Variants in ATG13 observed in about 807,000 individuals in gnomAD.
The protein encoded by ATG13 is autophagy related 13.
In ATG13, 23 loss-of-function variants were observed where a neutral mutation model predicts 65.5. The observed-to-expected ratio is 0.35, with a 90% CI of 0.25 to 0.50. The LOEUF is 0.50. Among genes scored for constraint, ATG13 ranks in the 20% least tolerant of loss-of-function variants. The pLI, the probability that ATG13 is intolerant of heterozygous loss-of-function variation, is 0.98. For synonymous variants in ATG13, 252 were observed against 245.2 expected (o/e 1.03, Z -0.26); for missense variants, 566 against 677.0 (o/e 0.84, Z 1.82).
rs147640345 is a variant in ATG13 at position 46,662,419 on chromosome 11, A to G, written c.790-1578A>G. ...CCTGATACAATGGAAAGTTGAACCT[A>G]AAAGTAAATGGAAGTTTAGTAGTTT... On this transcript the variant is annotated intron_variant, in intron 11 of 18. Transcript: ENST00000683050. Among the ~76,000 whole-genome samples, 610 of 152,352 alleles carry G rather than the reference A, an allele frequency of 4.0e-3. 3 individuals are homozygous for G. The highest frequency in any genetic ancestry group is 0.014 in the African/African-American group (587 of 41,576).
At chr11:46,620,463 A>G (rs2047112942) in intron 1 of ATG13, among the ~76,000 whole-genome samples, 1 of 151,894 alleles carries the variant, frequency 6.6e-6, no homozygotes, top group Non-Finnish European at 1.5e-5. Context: ...GAGAATGTGA[A>G]TTACCACTGC....
chr11:46,664,855 A>G lies in ATG13; in HGVS notation c.895A>G (p.Ser299Gly), dbSNP rs2061960554. 2.5e-6 allele frequency: 4 copies of G among 1,613,556 alleles called. No individual in the cohort carries two copies. In the East Asian group the frequency reaches 8.9e-5, roughly 36 times the overall value. ...TTGTTTTTCTCTTGCTTAGCTCTCA[A>G]GCTCTCGCCTTTCCTATCAGCCTGC... is the stretch of plus-strand genomic sequence containing the variant. ...AGLAFSHQLSSSRLSYQPAAL... is the reference protein window; with the variant it reads ...AGLAFSHQLSGSRLSYQPAAL... The change falls in exon 13 of 19, where the codon AGC (serine) becomes GGC (glycine). Residue 299 changes from serine (S) to glycine (G), a missense_variant. Ser to Gly is a moderately conservative substitution (Grantham distance 56). Transcript: ENST00000683050.
intron 2 of ATG13, among the ~76,000 whole-genome samples, chr11:46,634,692 G>T (rs570119252): frequency 1.3e-5 from 2 of 151,414 alleles, no homozygotes; most frequent in South Asian, 4.2e-4. Context: ...ACTGCGCCCA[G>T]CCTAGTTTTT....
At chr11:46,640,795 G>C (rs147292001) in intron 2 of ATG13, among the ~76,000 whole-genome samples, 2 of 152,336 alleles carry the variant, frequency 1.3e-5, no homozygotes, top group African/African-American at 4.8e-5. Flanking sequence ...ATCTTTACCA[G>C]AATGGCTAAA....
chr11:46,667,910 C>T (rs1299028696), intron 15 of ATG13, 23 bp downstream of exon 15: 2 of 1,564,892 alleles, frequency 1.3e-6, no homozygotes, highest in African/African-American at 1.4e-5. Flanking sequence ...CCACTGCCAC[C>T]TGTGAGAATG....
chr11:46,670,670 T>A (rs779756470), intron 18 of ATG13, among the ~76,000 whole-genome samples: 63 of 151,592 alleles, frequency 4.2e-4, no homozygotes, highest in Non-Finnish European at 7.2e-4. Context: ...TAGCTGGGCG[T>A]GGTGGCATCC....
chr11:46,627,408 G>A (rs1336756984), intron 1 of ATG13, among the ~76,000 whole-genome samples: 2 of 151,988 alleles, frequency 1.3e-5, no homozygotes, highest in African/African-American at 4.8e-5. Flanking sequence ...ACAGAGAAAT[G>A]TAAAATTATA....
chr11:46,656,190 A>G, intron 7 of ATG13, 43 bp from the exon 8 acceptor site: 5 of 1,577,282 alleles, frequency 3.2e-6, no homozygotes, highest in Non-Finnish European at 4.4e-6. Flanking sequence ...GGCCCTTAGG[A>G]GTAAAGAATC....
intron 11 of ATG13, 40 bp from the exon 12 acceptor site, chr11:46,663,957 T>G: frequency 1.7e-6 from 2 of 1,172,998 alleles, no homozygotes; most frequent in Non-Finnish European, 2.3e-6. Flanking sequence ...TTTTTTTTTT[T>G]TTTTTTGTTT....
At chr11:46,626,425 T>C (rs113864636) in intron 1 of ATG13, among the ~76,000 whole-genome samples, 1,829 of 152,174 alleles carry the variant, frequency 0.012, 43 homozygotes, top group African/African-American at 0.042. Flanking sequence ...TAATTTCTTA[T>C]TTTGAGTAGA....
In ATG13 at chr11:46,667,879, A is replaced by G. The variant is rs748596749; in HGVS notation, c.1243A>G (p.Ile415Val). The G allele has an allele frequency of 8.1e-6, 13 of 1,609,636 alleles. No individual in the cohort carries two copies. Among genetic ancestry groups the G allele is most frequent in the South Asian group, 2.2e-5 (2 of 90,978 alleles). The change falls in exon 15 of 19, where the codon ATT (isoleucine) becomes GTT (valine). Residue 415 changes from isoleucine to valine, a missense_variant. Transcript: ENST00000683050. ...AGTGGGGGCTTTTGTCAACAAACCC[A>G]TTAACCAGGTGATTTTTCTGCCACT... Reference protein sequence around the residue: ...RKVGAFVNKPINQVTLTSLDI... With the variant: ...RKVGAFVNKPVNQVTLTSLDI...
chr11:46,671,786 C>A (rs1052800798), intron 18 of ATG13, among the ~76,000 whole-genome samples: 1 of 152,160 alleles, frequency 6.6e-6, no homozygotes. Flanking sequence ...TTACCACAGA[C>A]CTGCTACTGT....
At chr11:46,640,656 A>C (rs1202872780) in intron 2 of ATG13, among the ~76,000 whole-genome samples, 1 of 152,232 alleles carries the variant, frequency 6.6e-6, no homozygotes, top group Admixed American at 6.5e-5. Context: ...ATTTTGTCTC[A>C]CAAAATTAAA....
chr11:46,621,656 G>A (rs2047539360), intron 1 of ATG13, among the ~76,000 whole-genome samples: 1 of 152,026 alleles, frequency 6.6e-6, no homozygotes, highest in Admixed American at 6.6e-5. Flanking sequence ...TCTCAACATT[G>A]CCATGATAGA....
chr11:46,672,215 C>T, intron 18 of ATG13, 40 bp from the exon 19 acceptor site: 2 of 1,613,874 alleles, frequency 1.2e-6, no homozygotes. Context: ...CCTCAAGGCC[C>T]TGCCTGAATA....
chr11:46,620,510 T>C (rs2047138218), intron 1 of ATG13, among the ~76,000 whole-genome samples: 1 of 151,900 alleles, frequency 6.6e-6, no homozygotes, highest in Non-Finnish European at 1.5e-5. Context: ...GCGCGGTTGC[T>C]CACACCTGAA....
chr11:46,620,499 G>C (rs1404086071), intron 1 of ATG13, among the ~76,000 whole-genome samples: 1 of 151,938 alleles, frequency 6.6e-6, no homozygotes, highest in East Asian at 1.9e-4. Context: ...AATTGGGCTG[G>C]GCGCGGTTGC....
At chr11:46,670,835 A>AAT (rs2063554475) in intron 18 of ATG13, among the ~76,000 whole-genome samples, 1 of 152,192 alleles carries the variant, frequency 6.6e-6, no homozygotes, top group East Asian at 1.9e-4. Context: ...TAAATAAATA[A>AAT]AAATCAAGGC....
At chr11:46,649,292 A>T in intron 6 of ATG13, 109 bp downstream of exon 6, 2 of 1,277,542 alleles carry the variant, frequency 1.6e-6, no homozygotes, top group Non-Finnish European at 2.2e-6. Context: ...CATTCTGACC[A>T]CTTAACAAAG....
Sources: gnomAD v4.1 joint callset for allele counts (sites outside exome capture counted in the v4.1 genomes callset) on GRCh38, gnomAD v4.1.1 for gene constraint, MANE v1.5 for transcripts, NCBI Gene and HGNC (gene_info 2026-07-23, HGNC 2026-07-21) for gene names.